The following LRMDA variants were observed in gnomAD, a reference collection of about 807,000 sequenced individuals.
LRMDA encodes leucine rich melanocyte differentiation associated, also known as leucine-rich melanocyte differentiation-associated protein.
Under a neutral mutation model 29.8 loss-of-function variants are expected in LRMDA, and 18 were observed. That is an observed-to-expected ratio of 0.60 (90% CI 0.42 to 0.90). LRMDA has a LOEUF of 0.90. Ranked by LOEUF, LRMDA falls within the 40% of genes least tolerant of loss-of-function variation. The pLI is 0.00. For synonymous variants in LRMDA, 125 were observed against 109.4 expected, an observed-to-expected ratio of 1.14 and a Z score of -0.89; for missense variants, 273 against 273.9, an observed-to-expected ratio of 1.00 and a Z score of 0.02.
intron 5 of LRMDA, among the ~76,000 whole-genome samples, chr10:76,103,671 T>C (rs922253271): frequency 6.6e-6 from 1 of 152,238 alleles, no homozygotes; most frequent in African/African-American, 2.4e-5. Context: ...CTCATGATTA[T>C]TTAATTATTC....
intron 6 of LRMDA, among the ~76,000 whole-genome samples, chr10:76,505,456 TTTTAAAAATTATTTTTTAAA>T (rs1842950079): frequency 6.6e-6 from 1 of 152,092 alleles, no homozygotes; most frequent in South Asian, 2.1e-4. Flanking sequence ...TTTGTTCATT[TTTTAAAAATTATTTTTTAAA>T]AAATTTTTAT....
chr10:76,250,215 A>G (rs939519910), intron 5 of LRMDA, among the ~76,000 whole-genome samples: 3 of 152,198 alleles, frequency 2.0e-5, no homozygotes, highest in African/African-American at 7.2e-5. Context: ...ACTGATTCCC[A>G]AAGATCCCCT....
chr10:75,850,739 A>G (rs1844717969), intron 2 of LRMDA, among the ~76,000 whole-genome samples: 1 of 152,210 alleles, frequency 6.6e-6, no homozygotes. Flanking sequence ...GAAAATGCAG[A>G]CAATCAGGAT....
intron 6 of LRMDA, among the ~76,000 whole-genome samples, chr10:76,472,202 G>C (rs1842625078): frequency 4.0e-5 from 6 of 151,472 alleles, no homozygotes. Flanking sequence ...AATTTAACTG[G>C]GTAAATCATG....
intron 2 of LRMDA, among the ~76,000 whole-genome samples, chr10:75,455,331 G>A (rs994675896): frequency 2.0e-5 from 3 of 152,150 alleles, no homozygotes; most frequent in Non-Finnish European, 2.9e-5. Context: ...TTCAGGTATC[G>A]AGAGACAGAG....
chr10:76,368,336 C>G lies in LRMDA; in HGVS notation c.601+43851C>G, dbSNP rs111665777. Among the ~76,000 whole-genome samples, 279 of 152,144 alleles carry G rather than the reference C, an allele frequency of 1.8e-3. 1 individual carries two copies. The highest frequency in any genetic ancestry group is 6.4e-3 in the African/African-American group (266 of 41,514). On this transcript the variant is annotated intron_variant, in intron 6 of 6. Coordinates refer to ENST00000611255, the MANE Select transcript of LRMDA (RefSeq NM_001305581.2). ...TCAGTTTGAAGCATTTTTTTAATTT[C>G]CATTTTGATTTCGTTTTTGACCCAA... is the stretch of plus-strand genomic sequence containing the variant.
At chr10:76,212,950 G>A (rs1244082480) in intron 5 of LRMDA, among the ~76,000 whole-genome samples, 1 of 152,184 alleles carries the variant, frequency 6.6e-6, no homozygotes, top group Non-Finnish European at 1.5e-5. Flanking sequence ...CTGTTCCAAG[G>A]CCACACATCT....
intron 2 of LRMDA, among the ~76,000 whole-genome samples, chr10:75,959,245 G>A (rs972483982): frequency 6.6e-6 from 1 of 152,188 alleles, no homozygotes; most frequent in African/African-American, 2.4e-5. Context: ...TTGGATGCCA[G>A]GACCAGGTCC....
chr10:76,489,940 A>G (rs1478481739), intron 6 of LRMDA, among the ~76,000 whole-genome samples: 1 of 151,928 alleles, frequency 6.6e-6, no homozygotes, highest in African/African-American at 2.4e-5. Flanking sequence ...CTCCTCAGCC[A>G]TGCAGATCTG....
chr10:76,406,917 G>C lies in LRMDA; in HGVS notation c.601+82432G>C, dbSNP rs192633846. Among the ~76,000 whole-genome samples the C allele has an allele frequency of 1.8e-4, 27 of 152,260 alleles. 1 individual carries two copies. Among genetic ancestry groups the C allele is most frequent in the Admixed American group, 1.5e-3 (23 of 15,300 alleles). On this transcript the variant is annotated intron_variant, in intron 6 of 6. Transcript: ENST00000611255. ...AAAACTCAGAAAGGCTGGAATAATT[G>C]TTCCAGATCTCAGTACAGTTGAGCT... is the stretch of plus-strand genomic sequence containing the variant.
At chr10:76,365,107 T>TATATATATATATATATATATATACACAC (rs141131236) in intron 6 of LRMDA, among the ~76,000 whole-genome samples, 27 of 61,216 alleles carry the variant, frequency 4.4e-4, no homozygotes, top group African/African-American at 8.4e-4. Flanking sequence ...TATATATATA[T>TATATATATATATATATATATATACACAC]ACACACACAC....
At chr10:76,360,101 G>A (rs1210045013) in intron 6 of LRMDA, among the ~76,000 whole-genome samples, 8 of 152,040 alleles carry the variant, frequency 5.3e-5, no homozygotes, top group Non-Finnish European at 7.4e-5. Flanking sequence ...TGATTCTCCT[G>A]CCTCAGCCTC....
At chr10:76,222,468 C>A (rs1182097806) in intron 5 of LRMDA, among the ~76,000 whole-genome samples, 1 of 151,940 alleles carries the variant, frequency 6.6e-6, no homozygotes, top group Admixed American at 6.6e-5. Context: ...AGGACATGAA[C>A]AGACACTTCT....
chr10:76,019,231 C>T (rs961494120), intron 2 of LRMDA, among the ~76,000 whole-genome samples: 10 of 152,162 alleles, frequency 6.6e-5, no homozygotes, highest in African/African-American at 1.4e-4. Flanking sequence ...CTTCAGTCCT[C>T]GCCACTCCTT....
chr10:75,759,462 G>A (rs994630885), intron 2 of LRMDA, among the ~76,000 whole-genome samples: 4 of 152,120 alleles, frequency 2.6e-5, no homozygotes, highest in African/African-American at 9.7e-5. Flanking sequence ...GGAACAATAA[G>A]ATTTAAGAGA....
At chr10:76,345,699 C>G (rs928624533) in intron 6 of LRMDA, among the ~76,000 whole-genome samples, 2 of 151,962 alleles carry the variant, frequency 1.3e-5, no homozygotes, top group African/African-American at 4.8e-5. Flanking sequence ...CGTGCATTTA[C>G]TTTAAAGCTT....
chr10:75,909,245 A>G (rs1845806581), intron 2 of LRMDA, among the ~76,000 whole-genome samples: 1 of 152,210 alleles, frequency 6.6e-6, no homozygotes, highest in African/African-American at 2.4e-5. Context: ...TTTTTTTGAA[A>G]TATCTAGTGA....
At chr10:75,886,920 T>A (rs913767342) in intron 2 of LRMDA, among the ~76,000 whole-genome samples, 16 of 152,182 alleles carry the variant, frequency 1.1e-4, no homozygotes, top group Non-Finnish European at 2.9e-5. Context: ...CTTGTGCTTT[T>A]CTACTTTATC....
intron 5 of LRMDA, among the ~76,000 whole-genome samples, chr10:76,200,221 A>C (rs1316047381): frequency 1.3e-5 from 2 of 152,070 alleles, no homozygotes; most frequent in East Asian, 3.9e-4. Context: ...GCCTCTGCCT[A>C]CTCAAGTGCT....
Sources: gnomAD v4.1 joint callset for allele counts (sites outside exome capture counted in the v4.1 genomes callset) on GRCh38, gnomAD v4.1.1 for gene constraint, MANE v1.5 for transcripts, NCBI Gene and HGNC (gene_info 2026-07-23, HGNC 2026-07-21) for gene names.